DCLK2: variants seen among roughly 807,000 people sequenced by gnomAD.
The protein encoded by DCLK2 is serine/threonine-protein kinase DCLK2.
In DCLK2, 31 loss-of-function variants were observed where a neutral mutation model predicts 78.4. That is an observed-to-expected ratio of 0.40 (90% CI 0.30 to 0.53). The LOEUF is 0.53. Among genes scored for constraint, DCLK2 ranks in the 20% least tolerant of loss-of-function variants. The pLI is 0.61. For missense variants in DCLK2, 872 were observed against 973.7 expected (o/e 0.90, Z 1.39); for synonymous variants, 407 against 374.9 (o/e 1.09, Z -0.99).
At chr4:150,221,178 G>C (rs1315374362) in intron 6 of DCLK2, among the ~76,000 whole-genome samples, 2 of 152,154 alleles carry the variant, frequency 1.3e-5, no homozygotes, top group African/African-American at 4.8e-5. Flanking sequence ...ACCTTTTTGA[G>C]AAAGCTTTGA....
chr4:150,103,262 A>G (rs1306353331), intron 2 of DCLK2, among the ~76,000 whole-genome samples: 1 of 152,210 alleles, frequency 6.6e-6, no homozygotes, highest in Non-Finnish European at 1.5e-5. Flanking sequence ...AATAGGGAAA[A>G]TGTATTTCAA....
intron 2 of DCLK2, among the ~76,000 whole-genome samples, chr4:150,169,589 G>A (rs1017275688): frequency 6.6e-6 from 1 of 151,842 alleles, no homozygotes; most frequent in Non-Finnish European, 1.5e-5. Context: ...CCTGGGAGAT[G>A]GAGGTTGCAG....
At chr4:150,160,270 G>T (rs569069173) in intron 2 of DCLK2, among the ~76,000 whole-genome samples, 2 of 152,152 alleles carry the variant, frequency 1.3e-5, no homozygotes, top group South Asian at 4.2e-4. Flanking sequence ...CACCTGCCTC[G>T]GCCTCCCAGA....
intron 1 of DCLK2, among the ~76,000 whole-genome samples, chr4:150,088,117 C>G (rs1417482618): frequency 1.3e-5 from 2 of 152,196 alleles, no homozygotes; most frequent in East Asian, 3.9e-4. Flanking sequence ...CCCTGATGTC[C>G]TTGCTCATCA....
chr4:150,159,920 A>G (rs2150242368), intron 2 of DCLK2, among the ~76,000 whole-genome samples: 1 of 152,124 alleles, frequency 6.6e-6, no homozygotes, highest in East Asian at 1.9e-4. Flanking sequence ...TCCAGCATAT[A>G]AAAGGTAATA....
At chr4:150,221,604 A>G (rs766901912) in intron 6 of DCLK2, 73 bp from the exon 7 acceptor site, 35 of 942,694 alleles carry the variant, frequency 3.7e-5, no homozygotes, top group South Asian at 3.4e-4. Context: ...GCAGTTTACT[A>G]TTTTACAAAT....
At chr4:150,248,505 G>C in intron 14 of DCLK2, 120 bp downstream of exon 14, 1 of 810,072 alleles carries the variant, frequency 1.2e-6, no homozygotes, top group Non-Finnish European at 2.1e-6. Context: ...GTAGATGTCT[G>C]TCTGTCCCAT....
At position 150,171,038 on chromosome 4, in the gene DCLK2, A is replaced by G. The variant is rs77579899; in HGVS notation, c.757-22100A>G. On this transcript the variant is annotated intron_variant, in intron 2 of 15. Transcript: ENST00000296550. Reference sequence around the variant, plus strand: ...ACATTCTTAATTTATTTGGTCTTCTATAGGTAGCATCCCTATAAACTGAGT... The same window carrying G: ...ACATTCTTAATTTATTTGGTCTTCTGTAGGTAGCATCCCTATAAACTGAGT... Among the ~76,000 whole-genome samples, 345 of 152,322 alleles carry G rather than the reference A, an allele frequency of 2.3e-3. 1 individual carries two copies. Among genetic ancestry groups the G allele is most frequent in the African/African-American group, 7.9e-3 (328 of 41,582 alleles).
chr4:150,120,787 G>C (rs1732473931), intron 2 of DCLK2, among the ~76,000 whole-genome samples: 1 of 152,160 alleles, frequency 6.6e-6, no homozygotes, highest in South Asian at 2.1e-4. Context: ...GTTTACTGCA[G>C]GCTGGGCATG....
At chr4:150,106,230 G>A (rs1021946226) in intron 2 of DCLK2, among the ~76,000 whole-genome samples, 19 of 152,034 alleles carry the variant, frequency 1.2e-4, no homozygotes, top group African/African-American at 4.1e-4. Context: ...AGGTGAACTC[G>A]CTAATCTTCA....
intron 6 of DCLK2, among the ~76,000 whole-genome samples, chr4:150,221,297 C>A (rs1026679067): frequency 1.3e-5 from 2 of 151,458 alleles, no homozygotes; most frequent in Admixed American, 1.3e-4. Context: ...TTCCCACCAC[C>A]ATCCTCTTCT....
intron 5 of DCLK2, among the ~76,000 whole-genome samples, chr4:150,204,092 C>G (rs1739661183): frequency 6.6e-6 from 1 of 152,148 alleles, no homozygotes; most frequent in Non-Finnish European, 1.5e-5. Flanking sequence ...TGAAGTGTTT[C>G]TCTTCTCTAA....
At chr4:150,226,164 G>A (rs932113116) in intron 8 of DCLK2, among the ~76,000 whole-genome samples, 3 of 151,188 alleles carry the variant, frequency 2.0e-5, no homozygotes, top group African/African-American at 7.3e-5. Context: ...TGCTCGAATG[G>A]TTTAGAAAAA....
intron 15 of DCLK2, 59 bp downstream of exon 15, chr4:150,249,743 T>G: frequency 1.4e-6 from 2 of 1,398,792 alleles, no homozygotes; most frequent in Non-Finnish European, 2.0e-6. Context: ...GTTTTTGAAT[T>G]AGGTAGCCGG....
chr4:150,157,392 C>T (rs1448443759), intron 2 of DCLK2, among the ~76,000 whole-genome samples: 1 of 151,976 alleles, frequency 6.6e-6, no homozygotes, highest in Non-Finnish European at 1.5e-5. Context: ...GCAATCCTCA[C>T]ACCTCAGCTC....
chr4:150,174,467 C>G (rs1736798141), intron 2 of DCLK2, among the ~76,000 whole-genome samples: 1 of 152,168 alleles, frequency 6.6e-6, no homozygotes, highest in South Asian at 2.1e-4. Context: ...GAAGCGGGGA[C>G]TGCTTTTGAA....
intron 2 of DCLK2, among the ~76,000 whole-genome samples, chr4:150,113,866 T>C (rs558172810): frequency 6.6e-6 from 1 of 152,284 alleles, no homozygotes; most frequent in South Asian, 2.1e-4. Context: ...TTTCAGACTT[T>C]TTGATGTAGG....
chr4:150,095,138 T>C (rs1730366130), intron 1 of DCLK2, among the ~76,000 whole-genome samples: 1 of 152,226 alleles, frequency 6.6e-6, no homozygotes, highest in Admixed American at 6.5e-5. Context: ...AGAAAGTTCA[T>C]AAAACACACG....
In DCLK2 at chr4:150,142,841, C is replaced by T. The variant is rs116728838; in HGVS notation, c.756+40029C>T. On this transcript the variant is annotated intron_variant, in intron 2 of 15. Transcript: ENST00000296550. The stretch of plus-strand genomic sequence containing the variant: ...TTTTTAATTTTAGACTCAGGAGGAA[C>T]ATGCACATGTTTGTCACATGGGTAT... Among the ~76,000 whole-genome samples, 431 of 149,012 alleles carry T rather than the reference C, an allele frequency of 2.9e-3. 2 individuals carry two copies. The highest frequency in any genetic ancestry group is 0.01 in the African/African-American group (406 of 40,412).
Sources: gnomAD v4.1 joint callset for allele counts (sites outside exome capture counted in the v4.1 genomes callset) on GRCh38, gnomAD v4.1.1 for gene constraint, MANE v1.5 for transcripts, NCBI Gene and HGNC (gene_info 2026-07-23, HGNC 2026-07-21) for gene names.